GON4L: variants seen among roughly 807,000 people sequenced by gnomAD.
GON4L encodes the protein gon-4 like, also known as GON-4-like protein.
In GON4L, 87 loss-of-function variants were observed where a neutral mutation model predicts 211.8. The ratio of observed to expected loss-of-function variants is 0.41; its 90% CI spans 0.35 to 0.49. The LOEUF is 0.49. Among genes scored for constraint, GON4L ranks in the 20% least tolerant of loss-of-function variants. GON4L has a pLI of 0.15. For synonymous variants in GON4L, 875 were observed against 962.6 expected, an observed-to-expected ratio of 0.91 and a Z score of 1.68; for missense variants, 2,155 against 2,659.5, an observed-to-expected ratio of 0.81 and a Z score of 4.17.
intron 2 of GON4L, among the ~76,000 whole-genome samples, chr1:155,838,490 T>C (rs1306813943): frequency 6.6e-6 from 1 of 152,058 alleles, no homozygotes; most frequent in Non-Finnish European, 1.5e-5. Flanking sequence ...CTAATATAGT[T>C]CCAGCTAGGC....
At chr1:155,819,955 C>G (rs1158011861) in intron 6 of GON4L, among the ~76,000 whole-genome samples, 1 of 152,122 alleles carries the variant, frequency 6.6e-6, no homozygotes, top group Non-Finnish European at 1.5e-5. Flanking sequence ...CACTCCGTTG[C>G]CCAGGCTGTA....
In GON4L at chr1:155,766,400, A is replaced by G. The variant is rs987880913; in HGVS notation, c.3073T>C (p.Ser1025Pro). The G allele has an allele frequency of 6.2e-7, 1 of 1,614,074 alleles. No homozygotes were observed. The highest frequency in any genetic ancestry group is 8.5e-7 in the Non-Finnish European group (1 of 1,180,002). Residue 1025 changes from serine (S) to proline (P), a missense_variant, in exon 21 of 32, where the codon TCA becomes CCA. Transcript: ENST00000368331. ...SFNPGKTPAR[S>P]THSEAPPSKM... ...CTCGGAGGGGCTTCTGAATGAGTTG[A>G]TCGGGCTGGTGTTTTCCCAGGGTTG...
intron 12 of GON4L, among the ~76,000 whole-genome samples, chr1:155,794,141 G>A (rs554412073): frequency 1.3e-5 from 2 of 151,358 alleles, no homozygotes; most frequent in South Asian, 4.2e-4. Context: ...GCGTGATCTC[G>A]GCTCACTGCA....
At chr1:155,762,116 T>A in intron 23 of GON4L, 74 bp downstream of exon 23, 1 of 1,219,762 alleles carries the variant, frequency 8.2e-7, no homozygotes, top group Non-Finnish European at 1.2e-6. Flanking sequence ...AGACTTTATG[T>A]TGAAAAACAT....
At chr1:155,805,957 C>T (rs185723039) in intron 10 of GON4L, among the ~76,000 whole-genome samples, 24 of 147,834 alleles carry the variant, frequency 1.6e-4, no homozygotes, top group Admixed American at 2.7e-4. Flanking sequence ...CCAAAGTGTT[C>T]GGATTACAGC....
chr1:155,764,155 A>G (rs1662158227), intron 21 of GON4L, among the ~76,000 whole-genome samples: 1 of 152,034 alleles, frequency 6.6e-6, no homozygotes, highest in Non-Finnish European at 1.5e-5. Flanking sequence ...ACCTGAAGAT[A>G]GTTTTCAGGC....
At chr1:155,785,504 G>A (rs777846894) in intron 12 of GON4L, 130 bp from the exon 13 acceptor site, 1 of 747,118 alleles carries the variant, frequency 1.3e-6, no homozygotes, top group African/African-American at 1.7e-5. Context: ...TTCTTTTTTT[G>A]AGATGGGTCT....
At position 155,784,262 on chromosome 1, in the gene GON4L, G is replaced by A. The variant is rs190592346; in HGVS notation, c.1789-173C>T. 325 of 811,100 alleles carry A rather than the reference G, an allele frequency of 4.0e-4. 2 individuals carry two copies. The Admixed American group carries it at 7.0e-3, about 18-fold the overall frequency. The allele number at this position is 811,100 out of a possible 1,614,324, so 50.2% of individuals were successfully genotyped here. A position where few individuals can be genotyped will look rare whatever the true frequency, so the allele number is the denominator to read the frequency against. On this transcript the variant is annotated intron_variant, in intron 13 of 31. Coordinates refer to ENST00000368331, the MANE Select transcript of GON4L (RefSeq NM_001282860.2). Reference sequence around the variant, plus strand: ...CAGGATTCCCACAAACCCACACTTGGGATGGCTATTATGCCAAGAAAGAAG... The same window carrying A: ...CAGGATTCCCACAAACCCACACTTGAGATGGCTATTATGCCAAGAAAGAAG...
In GON4L at chr1:155,765,534, T is replaced by G; in HGVS notation, c.3939A>C (p.Leu1313=). 6.2e-7 allele frequency: 1 copy of G among 1,614,172 alleles called. No individual in the cohort carries two copies. Among genetic ancestry groups the G allele is most frequent in the South Asian group, 1.1e-5 (1 of 91,078 alleles). Reference sequence around the variant, plus strand: ...CTAAATCCCCAGGGGTAGGGTTGTTTAGAGACTCCTGGATGCCCTGAGGGA... The same window carrying G: ...CTAAATCCCCAGGGGTAGGGTTGTTGAGAGACTCCTGGATGCCCTGAGGGA... The part of the protein sequence containing the change: ...EPLPQGIQES[L]NNPTPGDLEE... Residue 1313 remains leucine, a synonymous_variant, in exon 21 of 32, where the codon CTA becomes CTC. Coordinates refer to ENST00000368331, the MANE Select transcript of GON4L (RefSeq NM_001282860.2).
At chr1:155,753,725 A>C (rs1660852359) in intron 28 of GON4L, among the ~76,000 whole-genome samples, 6 of 152,216 alleles carry the variant, frequency 3.9e-5, no homozygotes, top group South Asian at 2.1e-4. Flanking sequence ...CAGATGACAC[A>C]GATTATCTTG....
Position 155,814,424 on chromosome 1 carries a change from C to T in GON4L, c.1187G>A (p.Ser396Asn), listed in dbSNP as rs1668055993. 6.2e-7 allele frequency: 1 copy of T among 1,613,630 alleles called. No individual in the cohort carries two copies. The highest frequency in any genetic ancestry group is 8.5e-7 in the Non-Finnish European group (1 of 1,179,580). ...EESLLESDVE[S>N]TASSPRGAKK... is the part of the protein sequence containing the mutation. ...TGCCCCACGTGGAGATGAAGCAGTG[C>T]TTTCAACATCACTTTCCAATAAGCT... is the stretch of plus-strand genomic sequence containing the variant. Residue 396 changes from serine to asparagine, a missense_variant, in exon 9 of 32, where the codon AGC (serine) becomes AAC (asparagine). By Grantham distance (46) the Ser-to-Asn change is conservative (BLOSUM62 1). Transcript: ENST00000368331.
At chr1:155,783,896 G>T in intron 14 of GON4L, 90 bp downstream of exon 14, 1 of 1,572,200 alleles carries the variant, frequency 6.4e-7, no homozygotes, top group South Asian at 1.1e-5. Context: ...GCTGGTTTGG[G>T]ATGAAAAATT....
chr1:155,778,555 AAATTTT>A (rs938476737), intron 14 of GON4L, among the ~76,000 whole-genome samples: 31 of 152,230 alleles, frequency 2.0e-4, no homozygotes, highest in African/African-American at 6.3e-4. Flanking sequence ...CTAGCCCTCA[AAATTTT>A]AATTTTAAGT....
chr1:155,832,626 G>A (rs1196744819), intron 2 of GON4L, among the ~76,000 whole-genome samples: 4 of 152,138 alleles, frequency 2.6e-5, no homozygotes, highest in Non-Finnish European at 5.9e-5. Flanking sequence ...GTGACAGAGC[G>A]AGACTCTGTC....
intron 11 of GON4L, among the ~76,000 whole-genome samples, chr1:155,800,513 C>T (rs985662706): frequency 4.0e-5 from 6 of 149,012 alleles, no homozygotes; most frequent in South Asian, 2.1e-4. Context: ...GCCGAGATCG[C>T]GCCACTGCAC....
At chr1:155,758,530 G>A (rs1298823859) in intron 24 of GON4L, among the ~76,000 whole-genome samples, 1 of 152,210 alleles carries the variant, frequency 6.6e-6, no homozygotes, top group Non-Finnish European at 1.5e-5. Flanking sequence ...TGAGCTACTT[G>A]GGAGGCTGAG....
At chr1:155,825,274 T>C (rs1172640436) in intron 3 of GON4L, among the ~76,000 whole-genome samples, 3 of 152,088 alleles carry the variant, frequency 2.0e-5, no homozygotes, top group Non-Finnish European at 4.4e-5. Flanking sequence ...TGGATGAATT[T>C]CATAAAACAA....
At chr1:155,758,685 C>G (rs1331465154) in intron 24 of GON4L, among the ~76,000 whole-genome samples, 6 of 152,140 alleles carry the variant, frequency 3.9e-5, no homozygotes, top group African/African-American at 1.4e-4. Context: ...TCGAGACCAG[C>G]CTGACCAACA....
downstream of GON4L, chr1:155,748,497 A>G: frequency 6.2e-7 from 1 of 1,613,642 alleles, no homozygotes; most frequent in Admixed American, 1.7e-5. Flanking sequence ...TCCATGGTTC[A>G]TCTGGCTGAC....
Sources: gnomAD v4.1 joint callset for allele counts (sites outside exome capture counted in the v4.1 genomes callset) on GRCh38, gnomAD v4.1.1 for gene constraint, MANE v1.5 for transcripts, NCBI Gene and HGNC (gene_info 2026-07-23, HGNC 2026-07-21) for gene names.